The following PTPRN2 variants were observed in gnomAD, a reference collection of about 807,000 sequenced individuals.
The protein encoded by PTPRN2 is receptor-type tyrosine-protein phosphatase N2.
PTPRN2 carries 74 observed loss-of-function variants against 118.8 expected under a neutral mutation model. The ratio of observed to expected loss-of-function variants is 0.62; its 90% CI spans 0.52 to 0.76. The LOEUF is 0.76. Ranked by LOEUF, PTPRN2 falls within the 30% of genes least tolerant of loss-of-function variation. PTPRN2 has a pLI of 0.00. For missense variants in PTPRN2, 1,481 were observed against 1,394.4 expected, an observed-to-expected ratio of 1.06 and a Z score of -0.99; for synonymous variants, 641 against 608.0, an observed-to-expected ratio of 1.05 and a Z score of -0.80.
At chr7:157,873,278 G>A (rs563886411) in intron 12 of PTPRN2, among the ~76,000 whole-genome samples, 1 of 152,352 alleles carries the variant, frequency 6.6e-6, no homozygotes, top group South Asian at 2.1e-4. Context: ...TTGAATAAAT[G>A]AATGTGCACC....
intron 3 of PTPRN2, among the ~76,000 whole-genome samples, chr7:158,229,403 G>C (rs190528866): frequency 6.9e-4 from 105 of 152,138 alleles, no homozygotes; most frequent in African/African-American, 2.4e-3. Context: ...ACAAAGTAAG[G>C]AACTAGCAAT....
chr7:158,170,659 T>C (rs943962021), intron 5 of PTPRN2, among the ~76,000 whole-genome samples: 7 of 152,192 alleles, frequency 4.6e-5, no homozygotes, highest in Admixed American at 4.6e-4. Flanking sequence ...CACTGGGGTG[T>C]TTCTCACCAA....
At chr7:158,152,173 C>CAA (rs56870265) in intron 6 of PTPRN2, among the ~76,000 whole-genome samples, 18,841 of 83,204 alleles carry the variant, frequency 0.23, 2,663 homozygotes, top group African/African-American at 0.33. Context: ...GACTCTGTCT[C>CAA]AAAAAAAAAA....
chr7:158,108,904 G>T (rs151145653), intron 10 of PTPRN2, among the ~76,000 whole-genome samples: 1 of 152,380 alleles, frequency 6.6e-6, no homozygotes, highest in African/African-American at 2.4e-5. Context: ...AGTGAACGAG[G>T]TCAACCTGTG....
chr7:158,074,550 C>T lies in PTPRN2; in HGVS notation c.1723+6748G>A, dbSNP rs535683787. ...GTTTATCTAGGCTGCTCCCAAACCC[C>T]AGCCAACTAGGGGTGAGCTCCCGTG... On this transcript the variant is annotated intron_variant, in intron 11 of 22. Transcript: ENST00000389418. Among the ~76,000 whole-genome samples the T allele has an allele frequency of 3.9e-4, 60 of 152,320 alleles. 1 individual carries two copies. The highest frequency in any genetic ancestry group is 1.4e-3 in the African/African-American group (57 of 41,576).
chr7:158,436,439 C>T (rs1285764339), intron 2 of PTPRN2, among the ~76,000 whole-genome samples: 1 of 100,494 alleles, frequency 1.0e-5, no homozygotes, highest in Non-Finnish European at 2.0e-5. Context: ...CGAGTTCTGT[C>T]TGTCTTTTCC....
At chr7:158,078,633 G>T (rs1472264225) in intron 11 of PTPRN2, among the ~76,000 whole-genome samples, 10 of 152,162 alleles carry the variant, frequency 6.6e-5, no homozygotes, top group Non-Finnish European at 1.0e-4. Context: ...AGGCCAATGG[G>T]CCAGTCACCG....
At chr7:158,372,375 C>T (rs1336732872) in intron 2 of PTPRN2, among the ~76,000 whole-genome samples, 6 of 132,976 alleles carry the variant, frequency 4.5e-5, no homozygotes, top group African/African-American at 1.4e-4. Context: ...GGCTGGACCC[C>T]AGAGCTGGCC....
At chr7:158,385,752 CCA>C (rs1206108405) in intron 2 of PTPRN2, among the ~76,000 whole-genome samples, 1 of 152,180 alleles carries the variant, frequency 6.6e-6, no homozygotes, top group Non-Finnish European at 1.5e-5. Flanking sequence ...TTCTAAATTT[CCA>C]CAGTCTCCAG....
intron 3 of PTPRN2, among the ~76,000 whole-genome samples, chr7:158,217,270 T>A (rs1249885542): frequency 1.3e-5 from 2 of 152,052 alleles, no homozygotes; most frequent in African/African-American, 4.8e-5. Context: ...GTACTAAAGC[T>A]CAAGGGGCCA....
intron 14 of PTPRN2, among the ~76,000 whole-genome samples, chr7:157,638,006 C>T (rs62476807): frequency 0.092 from 13,983 of 152,174 alleles, 697 homozygotes; most frequent in East Asian, 0.17. Context: ...TTGAAAATGC[C>T]GAAGTTCTAA....
At position 157,874,629 on chromosome 7, in the gene PTPRN2, G is replaced by C. The variant is rs561039494; in HGVS notation, c.1788+24044C>G. Among the ~76,000 whole-genome samples the C allele has an allele frequency of 6.4e-4, 98 of 152,350 alleles. No homozygotes were observed. Among genetic ancestry groups the C allele is most frequent in the African/African-American group, 2.3e-3 (96 of 41,586 alleles). On this transcript the variant is annotated intron_variant, in intron 12 of 22. Coordinates refer to ENST00000389418, the MANE Select transcript of PTPRN2 (RefSeq NM_002847.5). The surrounding 1 kb of genome is among the most constrained non-coding windows in gnomAD (Gnocchi z 5.8). The stretch of plus-strand genomic sequence containing the variant: ...CCCGGGGTCCGGGGAGAAGCGGAGG[G>C]GGGCAGAGAAGGCCGTGCCACCCAG...
intron 11 of PTPRN2, among the ~76,000 whole-genome samples, chr7:158,077,343 C>A (rs576866187): frequency 9.8e-4 from 149 of 152,286 alleles, no homozygotes; most frequent in African/African-American, 3.4e-3. Flanking sequence ...GAGGACGTCA[C>A]GGAAAGTCAC....
At chr7:157,564,606 C>G (rs1387757515) in intron 21 of PTPRN2, among the ~76,000 whole-genome samples, 2 of 152,326 alleles carry the variant, frequency 1.3e-5, no homozygotes, top group Non-Finnish European at 2.9e-5. Context: ...AAACAGCCCA[C>G]TTCAGAAATG....
intron 2 of PTPRN2, among the ~76,000 whole-genome samples, chr7:158,422,927 C>T (rs1454684776): frequency 6.6e-6 from 1 of 152,228 alleles, no homozygotes; most frequent in Non-Finnish European, 1.5e-5. Flanking sequence ...GGCTTCAAAG[C>T]CACTGCACAC....
chr7:158,515,434 G>T (rs1312493525), intron 1 of PTPRN2, among the ~76,000 whole-genome samples: 1 of 152,018 alleles, frequency 6.6e-6, no homozygotes, highest in Admixed American at 6.6e-5. Context: ...TGATCAGCCC[G>T]CCTCAGCCTC....
intron 3 of PTPRN2, among the ~76,000 whole-genome samples, chr7:158,308,126 C>A (rs1368262144): frequency 6.6e-6 from 1 of 152,150 alleles, no homozygotes; most frequent in Non-Finnish European, 1.5e-5. Flanking sequence ...AGAAAATAGG[C>A]AATGATCCTC....
chr7:157,768,741 C>T (rs1585415510), intron 12 of PTPRN2, among the ~76,000 whole-genome samples: 1 of 152,314 alleles, frequency 6.6e-6, no homozygotes, highest in Middle Eastern at 3.4e-3. Context: ...TGATTTATCT[C>T]GATCTCATCC....
intron 2 of PTPRN2, among the ~76,000 whole-genome samples, chr7:158,478,491 C>T (rs566296814): frequency 2.7e-4 from 41 of 152,236 alleles, no homozygotes; most frequent in African/African-American, 7.7e-4. Flanking sequence ...TCTCAAAGAA[C>T]GGGTGGGATG....
Sources: allele counts gnomAD v4.1 joint callset (sites outside exome capture counted in the v4.1 genomes callset), GRCh38; gene constraint gnomAD v4.1.1; non-coding constraint Gnocchi (gnomAD v3.1); transcripts MANE v1.5; gene names NCBI Gene and HGNC (gene_info 2026-07-23, HGNC 2026-07-21).